The following EGLN1 variants were observed in gnomAD, a reference collection of about 807,000 sequenced individuals.
The protein encoded by EGLN1 is egl-9 family hypoxia inducible factor 1, also known as egl nine homolog 1.
A neutral mutation model predicts 38.3 loss-of-function variants in EGLN1; 17 were observed. That is an observed-to-expected ratio of 0.44 (90% CI 0.30 to 0.67). The LOEUF (loss-of-function observed/expected upper bound fraction) is 0.67. Ranked by LOEUF, EGLN1 falls within the 30% of genes least tolerant of loss-of-function variation. The pLI is 0.08. For missense variants in EGLN1, 477 were observed against 603.3 expected (o/e 0.79, Z 2.19); for synonymous variants, 283 against 257.5 (o/e 1.10, Z -0.95).
At chr1:231,409,597 TC>T (rs1222884539) in intron 1 of EGLN1, among the ~76,000 whole-genome samples, 1 of 152,188 alleles carries the variant, frequency 6.6e-6, no homozygotes, top group African/African-American at 2.4e-5. Flanking sequence ...TCAGTCTTAA[TC>T]ACATTGAGTT....
At chr1:231,400,329 T>G (rs1688634905) in intron 1 of EGLN1, among the ~76,000 whole-genome samples, 1 of 152,110 alleles carries the variant, frequency 6.6e-6, no homozygotes, top group Non-Finnish European at 1.5e-5. Flanking sequence ...TCCATGGAAT[T>G]TTAAGGAGCT....
chr1:231,367,914 T>C (rs1305945740), intron 3 of EGLN1, among the ~76,000 whole-genome samples: 3 of 152,218 alleles, frequency 2.0e-5, no homozygotes, highest in Non-Finnish European at 2.9e-5. Flanking sequence ...CCGGGCACAG[T>C]GGCTCACGCC....
chr1:231,415,967 C>T (rs1328005219), intron 1 of EGLN1, among the ~76,000 whole-genome samples: 1 of 152,064 alleles, frequency 6.6e-6, no homozygotes, highest in Non-Finnish European at 1.5e-5. Flanking sequence ...CCTACCTCAG[C>T]CTCCCAAGTA....
chr1:231,381,390 T>C (rs1034378659), intron 1 of EGLN1, among the ~76,000 whole-genome samples: 5 of 152,178 alleles, frequency 3.3e-5, no homozygotes, highest in African/African-American at 1.2e-4. Flanking sequence ...TCCAAGATTC[T>C]TCCCATGTTC....
At chr1:231,368,958 T>A (rs1687741465) in intron 3 of EGLN1, among the ~76,000 whole-genome samples, 3 of 152,320 alleles carry the variant, frequency 2.0e-5, no homozygotes, top group Non-Finnish European at 2.9e-5. Context: ...AGGGCTCAGA[T>A]ACATAATTTT....
Position 231,373,896 on chromosome 1 carries a change from A to G in EGLN1, c.1011+84T>C, listed in dbSNP as rs1237494814. The G allele has an allele frequency of 1.6e-5, 24 of 1,499,648 alleles. 1 individual carries two copies. In the East Asian group the frequency reaches 3.4e-4, roughly 21 times the overall value. The allele number at this position is 1,499,648 out of a possible 1,614,324, so 92.9% of individuals were successfully genotyped here. On this transcript the variant is annotated intron_variant, in intron 2 of 4. Coordinates refer to ENST00000366641, the MANE Select transcript of EGLN1 (RefSeq NM_022051.3). The stretch of plus-strand genomic sequence containing the variant: ...GAAAATTTTTAACTGTGTCTGTGAC[A>G]GTCTTATCAGAAGTATGAAACTTAA...
intron 1 of EGLN1, among the ~76,000 whole-genome samples, chr1:231,405,939 A>G (rs1688778134): frequency 6.6e-6 from 1 of 151,722 alleles, no homozygotes; most frequent in Non-Finnish European, 1.5e-5. Context: ...AAAAACTAGT[A>G]TGAATTCTAG....
intron 1 of EGLN1, among the ~76,000 whole-genome samples, chr1:231,402,497 C>T (rs1403624527): frequency 6.7e-6 from 1 of 149,874 alleles, no homozygotes; most frequent in Non-Finnish European, 1.5e-5. Flanking sequence ...TGCAGTGGTG[C>T]GATCTCAGCT....
chr1:231,401,798 T>G (rs1688670796), intron 1 of EGLN1, among the ~76,000 whole-genome samples: 1 of 152,204 alleles, frequency 6.6e-6, no homozygotes, highest in South Asian at 2.1e-4. Flanking sequence ...TGTATGAACG[T>G]GTTTTCACTT....
chr1:231,418,423 G>A (rs558861457), intron 1 of EGLN1, among the ~76,000 whole-genome samples: 55 of 152,246 alleles, frequency 3.6e-4, no homozygotes, highest in African/African-American at 1.2e-3. Flanking sequence ...TATAACTAGC[G>A]TAGTTAAAAA....
chr1:231,394,417 T>C (rs1265484181), intron 1 of EGLN1, among the ~76,000 whole-genome samples: 1 of 151,104 alleles, frequency 6.6e-6, no homozygotes, highest in Non-Finnish European at 1.5e-5. Flanking sequence ...CTCGCTCTGT[T>C]GCCCAGGTTG....
chr1:231,400,813 G>C (rs1688647474), intron 1 of EGLN1, among the ~76,000 whole-genome samples: 1 of 152,180 alleles, frequency 6.6e-6, no homozygotes, highest in Non-Finnish European at 1.5e-5. Context: ...ACTTTGGGAA[G>C]CTGAGGCGGG....
At chr1:231,385,630 T>C (rs1014808886) in intron 1 of EGLN1, among the ~76,000 whole-genome samples, 7 of 152,104 alleles carry the variant, frequency 4.6e-5, no homozygotes, top group Non-Finnish European at 8.8e-5. Flanking sequence ...TAAGCCCCAA[T>C]GATGAACTTG....
chr1:231,371,895 T>C (rs1687832956), intron 2 of EGLN1, among the ~76,000 whole-genome samples: 1 of 152,186 alleles, frequency 6.6e-6, no homozygotes, highest in Non-Finnish European at 1.5e-5. Flanking sequence ...AAGAAAAGGT[T>C]TATCAGGCTC....
At chr1:231,370,379 CTT>C (rs1687784897) in intron 3 of EGLN1, among the ~76,000 whole-genome samples, 181 bp downstream of exon 3, 1 of 152,138 alleles carries the variant, frequency 6.6e-6, no homozygotes, top group South Asian at 2.1e-4. Flanking sequence ...GTTAATGAGT[CTT>C]ATATAATTAT....
rs1687619793 is a variant in EGLN1 at position 231,365,499 on chromosome 1, A to G, written c.*912T>C. 1 of 152,152 alleles carries G rather than the reference A, an allele frequency of 6.6e-6. No individual in the cohort carries two copies. Among genetic ancestry groups the G allele is most frequent in the African/African-American group, 2.4e-5 (1 of 41,428 alleles). The allele number at this position is 152,152 out of a possible 1,614,324, so 9.4% of individuals were successfully genotyped here. ...CTAAACATACAAAAATTAGTCAGGC[A>G]TGGTGGTGTGTGCCTGCAGTCCCAG... is the stretch of plus-strand genomic sequence containing the variant. On this transcript the variant is annotated 3_prime_UTR_variant, in exon 5 of 5. Transcript: ENST00000366641.
rs1406653411 is a variant in EGLN1, at chr1:231,422,228, C to G, written c.-340G>C. ...CGGCCGCCGCCGCCGCCTCAGCGTC[C>G]CGGGCGGCCCGGCCCAGGCTGTGGA... On this transcript the variant is annotated 5_prime_UTR_variant, in exon 1 of 5. Transcript: ENST00000366641. The G allele has an allele frequency of 5.6e-6, 1 of 180,048 alleles. No individual in the cohort carries two copies. Among genetic ancestry groups the G allele is most frequent in the Non-Finnish European group, 1.1e-5 (1 of 87,636 alleles). The allele number at this position is 180,048 out of a possible 1,614,324, so 11.2% of individuals were successfully genotyped here. A position where few individuals can be genotyped will look rare whatever the true frequency, so the allele number is the denominator to read the frequency against.
At chr1:231,376,380 T>C (rs987049555) in intron 1 of EGLN1, among the ~76,000 whole-genome samples, 2 of 152,192 alleles carry the variant, frequency 1.3e-5, no homozygotes, top group African/African-American at 2.4e-5. Context: ...ATCAGAGCAA[T>C]CGTCGTGGTA....
At chr1:231,382,860 C>G (rs2102906195) in intron 1 of EGLN1, among the ~76,000 whole-genome samples, 1 of 152,062 alleles carries the variant, frequency 6.6e-6, no homozygotes, top group East Asian at 1.9e-4. Flanking sequence ...AAGTTTGAGA[C>G]CAGCCTGGCC....
Sources: gnomAD v4.1 joint callset for allele counts (sites outside exome capture counted in the v4.1 genomes callset) on GRCh38, gnomAD v4.1.1 for gene constraint, MANE v1.5 for transcripts, NCBI Gene and HGNC (gene_info 2026-07-23, HGNC 2026-07-21) for gene names.